CD81: variants seen among roughly 807,000 people sequenced by gnomAD.
CD81 encodes the protein CD81 antigen.
A neutral mutation model predicts 30.1 loss-of-function variants in CD81; 10 were observed. The ratio of observed to expected loss-of-function variants is 0.33; its 90% CI spans 0.21 to 0.56. The LOEUF (loss-of-function observed/expected upper bound fraction) is 0.56, where lower values mean the gene tolerates loss of function less well. CD81 is among the 20% of genes least tolerant of loss of function. The pLI is 0.89. For synonymous variants in CD81, 147 were observed against 126.4 expected, an observed-to-expected ratio of 1.16 and a Z score of -1.10; for missense variants, 263 against 308.7, an observed-to-expected ratio of 0.85 and a Z score of 1.11.
At chr11:2,386,124 C>T (rs1158278488) in intron 1 of CD81, 2 of 717,290 alleles carry the variant, frequency 2.8e-6, no homozygotes, top group African/African-American at 3.5e-5. Flanking sequence ...CATGTGGCTG[C>T]AGCTTGACCT....
chr11:2,390,941 C>A, intron 2 of CD81: 26 of 199,858 alleles, frequency 1.3e-4, no homozygotes, highest in South Asian at 2.5e-4. Flanking sequence ...GGAGACGGGG[C>A]AGGGGAGGGG....
At chr11:2,394,856 G>T (rs745885201) in intron 3 of CD81, 116 bp from the exon 4 acceptor site, 8 of 918,624 alleles carry the variant, frequency 8.7e-6, no homozygotes, top group Non-Finnish European at 1.4e-5. Flanking sequence ...CAGGTCGTGG[G>T]CTGGTGGCTC....
chr11:2,396,743 C>G, intron 7 of CD81, 29 bp downstream of exon 7: 1 of 1,611,784 alleles, frequency 6.2e-7, no homozygotes, highest in Non-Finnish European at 8.5e-7. Context: ...AGGGCCTGCT[C>G]TCTGGGCTGC....
chr11:2,382,786 ACT>A (rs1486513597), intron 1 of CD81, among the ~76,000 whole-genome samples: 2 of 152,098 alleles, frequency 1.3e-5, no homozygotes, highest in Non-Finnish European at 2.9e-5. Flanking sequence ...AGGGCATGAG[ACT>A]CACCCCAGGA....
Position 2,396,571 on chromosome 11 carries a change from G to A in CD81, c.562-57G>A, listed in dbSNP as rs1475344403. 5 of 1,411,164 alleles carry A rather than the reference G, an allele frequency of 3.5e-6. No homozygotes were observed. In the African/African-American group the frequency reaches 4.3e-5, roughly 12 times the overall value. The allele number at this position is 1,411,164 out of a possible 1,614,324, so 87.4% of individuals were successfully genotyped here. On this transcript the variant is annotated intron_variant, in intron 6 of 7. Coordinates refer to ENST00000263645, the MANE Select transcript of CD81 (RefSeq NM_004356.4). ...TGACCACGGATTACTGCGTGACAAC[G>A]GGAAGCCGGGAGCCGAGGCCCGGTC... is the stretch of plus-strand genomic sequence containing the variant.
intron 4 of CD81, 25 bp downstream of exon 4, chr11:2,395,071 GGT>G: frequency 6.3e-7 from 1 of 1,597,046 alleles, no homozygotes; most frequent in Admixed American, 1.7e-5. Flanking sequence ...GCAGGGACAG[GGT>G]GGGGTGGGTG....
chr11:2,390,455 A>G lies in CD81; in HGVS notation c.110A>G (p.His37Arg), dbSNP rs746946746. Reference sequence around the variant, plus strand: ...CTGGGTGTGGCCCTGTGGCTCCGCCATGACCCGCAGACCACCAACCTCCTG... The same window carrying G: ...CTGGGTGTGGCCCTGTGGCTCCGCCGTGACCCGCAGACCACCAACCTCCTG... ...VILGVALWLR[H>R]DPQTTNLLYL... Residue 37 changes from histidine to arginine, a missense_variant, in exon 2 of 8, where the codon CAT becomes CGT. Around this residue, in one of 3 missense-constraint regions of CD81, gnomAD observed 84 missense variants for 98.2 expected, o/e 0.86. Coordinates refer to ENST00000263645, the MANE Select transcript of CD81 (RefSeq NM_004356.4). 6.2e-7 allele frequency: 1 copy of G among 1,612,922 alleles called. No homozygotes were observed. The highest frequency in any genetic ancestry group is 1.1e-5 in the South Asian group (1 of 91,088).
At chr11:2,396,000 C>T (rs777340786) in intron 6 of CD81, 30 bp downstream of exon 6, 2 of 1,459,708 alleles carry the variant, frequency 1.4e-6, no homozygotes, top group South Asian at 1.1e-5. Context: ...CCGCGCCTGA[C>T]CCCCCGCATG....
chr11:2,395,600 C>T (rs1340320200), intron 5 of CD81, 80 bp downstream of exon 5: 16 of 1,130,470 alleles, frequency 1.4e-5, no homozygotes, highest in East Asian at 2.4e-5. Flanking sequence ...TGAATCCTGC[C>T]TACGCCCAGA....
At chr11:2,395,284 C>A (rs1849975731) in intron 4 of CD81, 132 bp from the exon 5 acceptor site, 1 of 791,898 alleles carries the variant, frequency 1.3e-6, no homozygotes, top group African/African-American at 1.7e-5. Flanking sequence ...GAGTCCTTGT[C>A]CTCTGGGGTC....
Position 2,395,536 on chromosome 11 carries a change from G to T in CD81, c.459+16G>T, listed in dbSNP as rs1455883826. On this transcript the variant is annotated intron_variant, in intron 5 of 7. Transcript: ENST00000263645. ...CCACGAGACGGTGCGGCCCCGGGGG[G>T]CGAGGGCGGGGAGCAGGGCCCCGGG... 2 of 1,602,900 alleles carry T rather than the reference G, an allele frequency of 1.2e-6. No individual in the cohort carries two copies. Among genetic ancestry groups the T allele is most frequent in the Non-Finnish European group, 1.7e-6 (2 of 1,171,126 alleles).
chr11:2,383,664 A>G (rs934270010), intron 1 of CD81, among the ~76,000 whole-genome samples: 3 of 152,102 alleles, frequency 2.0e-5, no homozygotes, highest in Admixed American at 1.3e-4. Flanking sequence ...CAGAGCCCGC[A>G]GCGTGGCCCT....
chr11:2,395,566 C>T (rs748280173), intron 5 of CD81, 46 bp downstream of exon 5: 100 of 1,466,944 alleles, frequency 6.8e-5, no homozygotes, highest in Non-Finnish European at 9.2e-5. Flanking sequence ...CCCGGGAACC[C>T]GGCGGGGTGT....
chr11:2,397,084 C>CTTGGCGTGTATGAGTGGAG lies in CD81; in HGVS notation c.*219_*220insTGGCGTGTATGAGTGGAGT. Reference sequence around the variant, plus strand: ...GTGGCGTGTATGAGTGGAGACGGGCCTGGGTCTTGGGGACTGGAGGGCAGG... The same window carrying CTTGGCGTGTATGAGTGGAG: ...GTGGCGTGTATGAGTGGAGACGGGCCTTGGCGTGTATGAGTGGAGTGGGTCTTGGGGACTGGAGGGCAGG... On this transcript the variant is annotated 3_prime_UTR_variant, in exon 8 of 8. Coordinates refer to ENST00000263645, the MANE Select transcript of CD81 (RefSeq NM_004356.4). 1 of 602,566 alleles carries CTTGGCGTGTATGAGTGGAG rather than the reference C, an allele frequency of 1.7e-6. No homozygotes were observed. The highest frequency in any genetic ancestry group is 3.0e-6 in the Non-Finnish European group (1 of 334,676). The allele number at this position is 602,566 out of a possible 1,614,324, so 37.3% of individuals were successfully genotyped here. A position where few individuals can be genotyped will look rare whatever the true frequency, so the allele number is the denominator to read the frequency against.
chr11:2,389,993 C>T lies in CD81; in HGVS notation c.67-419C>T, dbSNP rs750381487. 1.3e-4 allele frequency: 45 copies of T among 348,224 alleles called. 1 individual carries two copies. The highest frequency in any genetic ancestry group is 2.9e-4 in the South Asian group (13 of 44,266). 21.6% of individuals were successfully genotyped at this position (348,224 alleles called of 1,614,324 possible). ...TCCTGGTATCACCTCTGGCCAGATA[C>T]GGAAGGTGAAACTACAGGGCATCCA... On this transcript the variant is annotated intron_variant, in intron 1 of 7. Transcript: ENST00000263645.
chr11:2,396,893 C>G lies in CD81; in HGVS notation c.*27C>G, dbSNP rs1389270135. The G allele has an allele frequency of 6.2e-7, 1 of 1,608,474 alleles. No homozygotes were observed. Among genetic ancestry groups the G allele is most frequent in the Admixed American group, 1.7e-5 (1 of 60,004 alleles). On this transcript the variant is annotated 3_prime_UTR_variant, in exon 8 of 8. Transcript: ENST00000263645. ...GCCCCGCAGCTCTGGCCACAGGGACCTCTGCAGTGCCCCCTAAGTGACCCG... is the reference window on the plus strand; with the variant it reads ...GCCCCGCAGCTCTGGCCACAGGGACGTCTGCAGTGCCCCCTAAGTGACCCG...
chr11:2,393,747 G>C, intron 2 of CD81: 1 of 601,860 alleles, frequency 1.7e-6, no homozygotes, highest in Non-Finnish European at 3.0e-6. Context: ...GGTGGGTGGC[G>C]GGTGGCAGGT....
At chr11:2,388,684 G>A (rs534375044) in intron 1 of CD81, among the ~76,000 whole-genome samples, 1 of 152,342 alleles carries the variant, frequency 6.6e-6, no homozygotes, top group Admixed American at 6.5e-5. Context: ...TCTGGGAGCA[G>A]CTGCCTTCTG....
chr11:2,380,337 G>A (rs1283166930), intron 1 of CD81, among the ~76,000 whole-genome samples: 1 of 152,072 alleles, frequency 6.6e-6, no homozygotes, highest in Non-Finnish European at 1.5e-5. Context: ...AAGAGGCCTT[G>A]CCTGTGGGAG....
Sources: gnomAD v4.1 joint callset for allele counts (sites outside exome capture counted in the v4.1 genomes callset) on GRCh38, gnomAD v4.1.1 for gene constraint, gnomAD v4.1.1 regional missense constraint, MANE v1.5 for transcripts, NCBI Gene and HGNC (gene_info 2026-07-23, HGNC 2026-07-21) for gene names.